Variants in SYTL5 observed in about 807,000 individuals in gnomAD.
The protein encoded by SYTL5 is synaptotagmin like 5, also known as synaptotagmin-like protein 5.
Under a neutral mutation model 55.9 loss-of-function variants are expected in SYTL5, and 34 were observed. The observed-to-expected ratio is 0.61, with a 90% confidence interval of 0.46 to 0.81. The LOEUF is 0.81. Among genes scored for constraint, SYTL5 ranks in the 30% least tolerant of loss-of-function variants. SYTL5 has a pLI of 0.00. For missense variants in SYTL5, 637 were observed against 546.7 expected, an observed-to-expected ratio of 1.17 and a Z score of -1.65; for synonymous variants, 221 against 188.7, an observed-to-expected ratio of 1.17 and a Z score of -1.40.
At chrX:37,957,716 C>T in the SYTL5 span, among the ~76,000 whole-genome samples, 1 of 111,931 alleles carries the variant, frequency 8.9e-6, no homozygotes, top group African/African-American at 3.2e-5. Context: ...TATGATGCCT[C>T]TAACTTTTTT....
chrX:38,047,253 T>C (rs186919225), intron 2 of SYTL5, among the ~76,000 whole-genome samples: 97 of 113,151 alleles, frequency 8.6e-4, no homozygotes, highest in African/African-American at 3.0e-3. Context: ...AGGTTCTCCA[T>C]GAGGGCCCTG....
At chrX:37,940,253 A>G in the SYTL5 span, among the ~76,000 whole-genome samples, 9 of 110,730 alleles carry the variant, frequency 8.1e-5, no homozygotes, top group Admixed American at 8.7e-4. Flanking sequence ...AGAAACATGG[A>G]TTATTTTATT....
intron 1 of SYTL5, among the ~76,000 whole-genome samples, chrX:38,025,425 C>T (rs1045508983): frequency 1.8e-5 from 2 of 111,730 alleles, no homozygotes; most frequent in African/African-American, 3.3e-5. Context: ...AAACTTATGT[C>T]CCTTTGTGAT....
At chrX:37,910,986 G>GTTTTTTTTTTT in the SYTL5 span, among the ~76,000 whole-genome samples, 1 of 58,618 alleles carries the variant, frequency 1.7e-5, no homozygotes, top group Non-Finnish European at 2.9e-5. Context: ...TTTTTTTTTG[G>GTTTTTTTTTTT]ACAGAGTCTC....
At chrX:38,046,738 A>G (rs910374761) in intron 2 of SYTL5, among the ~76,000 whole-genome samples, 1 of 111,991 alleles carries the variant, frequency 8.9e-6, no homozygotes, top group Non-Finnish European at 1.9e-5. Flanking sequence ...CCAAAGTCTC[A>G]TCTGAGACAA....
At chrX:38,011,633 CAAAAAA>C (rs61594168) in intron 1 of SYTL5, among the ~76,000 whole-genome samples, 54 of 92,538 alleles carry the variant, frequency 5.8e-4, no homozygotes, top group African/African-American at 2.1e-3. Context: ...GACTCCGTCT[CAAAAAA>C]AAAAAAAAGA....
chrX:37,991,444 T>G, the SYTL5 span: 2 of 456,726 alleles, frequency 4.4e-6, no homozygotes, highest in African/African-American at 2.4e-5. Flanking sequence ...AATCAGTGAT[T>G]TAGAGGGGGC....
intron 1 of SYTL5, among the ~76,000 whole-genome samples, chrX:38,011,881 A>AT (rs56879270): frequency 0.013 from 1,399 of 104,530 alleles, 12 homozygotes; most frequent in Middle Eastern, 0.044. Context: ...GTTTAGTGGG[A>AT]TTTTTTTTTT....
At chrX:37,930,312 C>G in the SYTL5 span, among the ~76,000 whole-genome samples, 1 of 112,030 alleles carries the variant, frequency 8.9e-6, no homozygotes, top group African/African-American at 3.2e-5. Context: ...ATTATATTTC[C>G]TAGCCTTCTT....
At chrX:38,099,950 T>A (rs1232001693) in intron 9 of SYTL5, among the ~76,000 whole-genome samples, 1 of 111,529 alleles carries the variant, frequency 9.0e-6, no homozygotes, top group East Asian at 2.8e-4. Context: ...CTTCTTCATG[T>A]GCTGTTGAAT....
chrX:38,044,823 C>A (rs750850564), intron 2 of SYTL5, among the ~76,000 whole-genome samples: 2 of 111,554 alleles, frequency 1.8e-5, no homozygotes, highest in Admixed American at 1.9e-4. Flanking sequence ...ATTCTTGTTT[C>A]TTAATGGGCC....
chrX:38,014,058 C>A (rs751714696), intron 1 of SYTL5, among the ~76,000 whole-genome samples: 63 of 112,059 alleles, frequency 5.6e-4, no homozygotes, highest in Middle Eastern at 4.6e-3. Flanking sequence ...GCAATCTGCT[C>A]TGATGTCATA....
chrX:38,034,401 G>A (rs958741370), intron 2 of SYTL5, among the ~76,000 whole-genome samples: 4 of 111,648 alleles, frequency 3.6e-5, no homozygotes, highest in Non-Finnish European at 7.5e-5. Flanking sequence ...CACCTTATAG[G>A]GTTGTTGTAA....
chrX:37,979,155 C>T, the SYTL5 span, among the ~76,000 whole-genome samples: 2 of 110,781 alleles, frequency 1.8e-5, no homozygotes, highest in African/African-American at 3.3e-5. Context: ...CATGAAATTA[C>T]ACAAACAGTC....
intron 3 of SYTL5, among the ~76,000 whole-genome samples, chrX:38,064,140 T>C (rs1048896310): frequency 2.7e-5 from 3 of 111,270 alleles, no homozygotes; most frequent in African/African-American, 9.8e-5. Flanking sequence ...TGACATAAAA[T>C]GTATTTCTTA....
intron 9 of SYTL5, among the ~76,000 whole-genome samples, chrX:38,100,013 T>C (rs974509638): frequency 9.0e-6 from 1 of 111,539 alleles, no homozygotes; most frequent in African/African-American, 3.2e-5. Flanking sequence ...TTATCATGGA[T>C]ATTGGCCTGC....
the SYTL5 span, among the ~76,000 whole-genome samples, chrX:37,894,366 G>T: frequency 8.9e-6 from 1 of 111,825 alleles, no homozygotes; most frequent in African/African-American, 3.2e-5. Context: ...TGGAAATACT[G>T]CCAAACAGTT....
upstream of SYTL5, among the ~76,000 whole-genome samples, chrX:38,002,643 T>G (rs1602291187): frequency 8.9e-6 from 1 of 112,557 alleles, no homozygotes; most frequent in East Asian, 2.8e-4. Context: ...TCATCTGTCT[T>G]TTGGCTGCAT....
chrX:38,088,865 C>T (rs1936724275), intron 6 of SYTL5, among the ~76,000 whole-genome samples: 1 of 112,083 alleles, frequency 8.9e-6, no homozygotes, highest in Non-Finnish European at 1.9e-5. Context: ...AATGAAACAC[C>T]CAAGCTCACA....
Sources: gnomAD v4.1 joint callset for allele counts (sites outside exome capture counted in the v4.1 genomes callset) on GRCh38, gnomAD v4.1.1 for gene constraint, MANE v1.5 for transcripts, NCBI Gene and HGNC (gene_info 2026-07-23, HGNC 2026-07-21) for gene names.